Variants in FYN observed in about 807,000 individuals in gnomAD.
The protein encoded by FYN is FYN proto-oncogene, Src family tyrosine kinase.
Under a neutral mutation model 70.2 loss-of-function variants are expected in FYN, and 10 were observed. The observed-to-expected ratio is 0.14, with a 90% CI of 0.09 to 0.24. FYN has a LOEUF of 0.24. Among genes scored for constraint, FYN ranks in the 10% least tolerant of loss-of-function variants. The pLI is 1.00. For synonymous variants in FYN, 236 were observed against 248.6 expected (o/e 0.95, Z 0.48); for missense variants, 319 against 673.1 (o/e 0.47, Z 5.82).
chr6:111,662,526 TTA>T (rs1438742951), intron 13 of FYN, among the ~76,000 whole-genome samples: 3 of 152,208 alleles, frequency 2.0e-5, no homozygotes, highest in East Asian at 1.9e-4. Flanking sequence ...GTGTGACTGT[TTA>T]TGTTTGTCAA....
At chr6:111,872,713 C>A (rs997939357) in intron 1 of FYN, among the ~76,000 whole-genome samples, 3 of 152,084 alleles carry the variant, frequency 2.0e-5, no homozygotes. Context: ...TCACCCGGCG[C>A]CCGCTTGCGG....
intron 12 of FYN, among the ~76,000 whole-genome samples, chr6:111,678,150 G>GTGTGTGTGTGTGTGT (rs3220548): frequency 1.7e-5 from 2 of 119,800 alleles, no homozygotes; most frequent in African/African-American, 7.9e-5. Flanking sequence ...GTGTGTGTGT[G>GTGTGTGTGTGTGTGT]GTGTGTGTAC....
rs764586298 is a variant in FYN, at chr6:111,678,971, T to C, written c.1274-4341A>G. On this transcript the variant is annotated intron_variant, in intron 12 of 13. Coordinates refer to ENST00000354650, the MANE Select transcript of FYN (RefSeq NM_002037.5). ...TCCTCTAGTCCTCGCTTGCTCAGCA[T>C]GTCCCCCCCTGGGTTTCTATAGTAG... Among the ~76,000 whole-genome samples, 7 of 152,216 alleles carry C rather than the reference T, an allele frequency of 4.6e-5. No homozygotes were observed. The East Asian group carries it at 5.8e-4, about 13-fold the overall frequency.
At chr6:111,853,525 T>C (rs1045442803) in intron 1 of FYN, among the ~76,000 whole-genome samples, 2 of 152,168 alleles carry the variant, frequency 1.3e-5, no homozygotes, top group Non-Finnish European at 2.9e-5. Flanking sequence ...AAACGGCCTC[T>C]TGCTTGGGCT....
intron 2 of FYN, among the ~76,000 whole-genome samples, chr6:111,808,377 A>G (rs1367831485): frequency 6.6e-6 from 1 of 152,182 alleles, no homozygotes; most frequent in African/African-American, 2.4e-5. Flanking sequence ...TTATACCTAA[A>G]GGCTGAAGGG....
chr6:111,665,778 C>T (rs970919764), intron 13 of FYN, among the ~76,000 whole-genome samples: 1 of 149,294 alleles, frequency 6.7e-6, no homozygotes, highest in South Asian at 2.1e-4. Flanking sequence ...CATGCCACTA[C>T]ACCTGGCTAA....
rs12190549 is a variant in FYN, at chr6:111,763,210, A to G, written c.-12+17356T>C. 4.6e-5 allele frequency among the ~76,000 whole-genome samples: 7 copies of G among 152,134 alleles called. No homozygotes were observed. The South Asian group carries it at 1.0e-3, about 23-fold the overall frequency. On this transcript the variant is annotated intron_variant, in intron 3 of 13. Transcript: ENST00000354650. ...CTAGCCAAACCAATGTATACCTTAC[A>G]TGTGTGGGTTTCTGTCTTTGTAACT...
chr6:111,859,287 C>A (rs146935611), intron 1 of FYN, among the ~76,000 whole-genome samples: 1 of 152,190 alleles, frequency 6.6e-6, no homozygotes, highest in Non-Finnish European at 1.5e-5. Flanking sequence ...TCTAAGTCAC[C>A]GCAAGGCCAG....
At position 111,714,438 on chromosome 6, in the gene FYN, T is replaced by C; in HGVS notation, c.253A>G (p.Thr85Ala). The change falls in exon 5 of 14, where the codon ACA (threonine) becomes GCA (alanine). Residue 85 changes from threonine (T) to alanine (A), a missense_variant. This residue lies in a region of FYN where 128 missense variants were observed against 183.9 expected (regional missense o/e 0.70). Coordinates refer to ENST00000354650, the MANE Select transcript of FYN (RefSeq NM_002037.5). ...TLRTRGGTGV[T>A]LFVALYDYEA... ...TAGTCATAAAGGGCCACAAAGAGTG[T>C]CACTCCTGCCGAAACGAAATTCACA... The C allele has an allele frequency of 6.2e-7, 1 of 1,613,404 alleles. No individual in the cohort carries two copies. Among genetic ancestry groups the C allele is most frequent in the Admixed American group, 1.7e-5 (1 of 59,998 alleles).
At chr6:111,714,071 G>C (rs1269334888) in intron 5 of FYN, among the ~76,000 whole-genome samples, 1 of 152,164 alleles carries the variant, frequency 6.6e-6, no homozygotes, top group Non-Finnish European at 1.5e-5. Context: ...AGCGATGCTG[G>C]TGATTTTACA....
chr6:111,716,461 A>C (rs1019988689), intron 4 of FYN, among the ~76,000 whole-genome samples: 5 of 152,326 alleles, frequency 3.3e-5, no homozygotes, highest in Admixed American at 3.3e-4. Context: ...GTGAAAGCCC[A>C]GGCTGAACGC....
chr6:111,767,920 C>CT (rs901801780), intron 3 of FYN, among the ~76,000 whole-genome samples: 14 of 151,994 alleles, frequency 9.2e-5, no homozygotes, highest in South Asian at 4.1e-4. Context: ...GGTGTAAAAA[C>CT]TTTTTTTTGA....
At chr6:111,670,400 C>T (rs1798213713) in intron 13 of FYN, among the ~76,000 whole-genome samples, 1 of 152,212 alleles carries the variant, frequency 6.6e-6, no homozygotes, top group Admixed American at 6.5e-5. Context: ...TCTCCCCTTC[C>T]CTGTTTTATT....
At chr6:111,680,464 C>G (rs1254766171) in intron 12 of FYN, among the ~76,000 whole-genome samples, 6 of 152,254 alleles carry the variant, frequency 3.9e-5, no homozygotes, top group Non-Finnish European at 7.3e-5. Context: ...CTAAGCGCAA[C>G]AGAAAGTCAC....
intron 2 of FYN, among the ~76,000 whole-genome samples, chr6:111,842,509 C>T (rs1773392985): frequency 6.6e-6 from 1 of 152,190 alleles, no homozygotes; most frequent in South Asian, 2.1e-4. Context: ...CGCGGTACAC[C>T]CCAAAGCCAA....
intron 3 of FYN, among the ~76,000 whole-genome samples, chr6:111,739,506 T>C (rs901287807): frequency 2.6e-5 from 4 of 152,230 alleles, no homozygotes; most frequent in Non-Finnish European, 5.9e-5. Flanking sequence ...CCCAGCCGCC[T>C]GTCTCATGAG....
intron 10 of FYN, among the ~76,000 whole-genome samples, chr6:111,695,230 T>TTATAATAAG (rs1330202485): frequency 1.4e-3 from 211 of 152,366 alleles, no homozygotes; most frequent in African/African-American, 4.8e-3. Context: ...TAAGAAGGCC[T>TTATAATAAG]ACAGGTGATT....
At chr6:111,787,014 T>C (rs555968430) in intron 2 of FYN, among the ~76,000 whole-genome samples, 1 of 152,338 alleles carries the variant, frequency 6.6e-6, no homozygotes, top group African/African-American at 2.4e-5. Flanking sequence ...ATTCTGTAGG[T>C]TGCCTGTTCG....
In FYN at chr6:111,735,666, G is replaced by C. The variant is rs1307908147; in HGVS notation, c.-11-15604C>G. Reference sequence around the variant, plus strand: ...AAAAGAGAAGCATGGGGGGGTGCCAGATCAAGAAGGCAAGGGTAGAAAGAG... The same window carrying C: ...AAAAGAGAAGCATGGGGGGGTGCCACATCAAGAAGGCAAGGGTAGAAAGAG... On this transcript the variant is annotated intron_variant, in intron 3 of 13. Coordinates refer to ENST00000354650, the MANE Select transcript of FYN (RefSeq NM_002037.5). Among the ~76,000 whole-genome samples, 6 of 152,314 alleles carry C rather than the reference G, an allele frequency of 3.9e-5. No individual in the cohort carries two copies. The East Asian group carries it at 1.2e-3, about 29-fold the overall frequency.
Sources: gnomAD v4.1 joint callset for allele counts (sites outside exome capture counted in the v4.1 genomes callset) on GRCh38, gnomAD v4.1.1 for gene constraint, gnomAD v4.1.1 regional missense constraint, MANE v1.5 for transcripts, NCBI Gene and HGNC (gene_info 2026-07-23, HGNC 2026-07-21) for gene names.